DMD: variants seen among roughly 807,000 people sequenced by gnomAD.
DMD encodes the protein mutant dystrophin.
DMD carries 63 observed loss-of-function variants against 330.1 expected under a neutral mutation model. That is an observed-to-expected ratio of 0.19 (90% CI 0.16 to 0.24). DMD has a LOEUF of 0.24. DMD is among the 10% of genes least tolerant of loss of function. The pLI is 1.00. For synonymous variants in DMD, 1,223 were observed against 959.8 expected (o/e 1.27, Z -5.07); for missense variants, 3,344 against 2,684.1 (o/e 1.25, Z -5.43).
intron 12 of DMD, among the ~76,000 whole-genome samples, chrX:32,596,829 G>A (rs1263971130): frequency 9.0e-6 from 1 of 111,090 alleles, no homozygotes; most frequent in African/African-American, 3.3e-5. Flanking sequence ...TTACAAACGT[G>A]AGCCACTGTG....
intron 43 of DMD, among the ~76,000 whole-genome samples, chrX:32,259,986 G>A (rs984559491): frequency 1.9e-4 from 21 of 111,331 alleles, no homozygotes; most frequent in African/African-American, 6.5e-4. Context: ...ATCATTTAGT[G>A]GATATTCCTC....
At chrX:31,178,569 G>T in intron 70 of DMD, 100 bp downstream of exon 70, 1 of 1,085,346 alleles carries the variant, frequency 9.2e-7, no homozygotes. Flanking sequence ...GAAAGAAATA[G>T]AAGAGACTGT....
At chrX:31,676,065 T>C (rs2082060808) in intron 53 of DMD, among the ~76,000 whole-genome samples, 1 of 112,085 alleles carries the variant, frequency 8.9e-6, no homozygotes, top group Non-Finnish European at 1.9e-5. Flanking sequence ...AGAGTTAGTG[T>C]AGTCATCACT....
intron 51 of DMD, among the ~76,000 whole-genome samples, chrX:31,747,881 A>G (rs952749296): frequency 2.7e-5 from 3 of 112,265 alleles, no homozygotes; most frequent in African/African-American, 9.7e-5. Flanking sequence ...CCTTTTAAGT[A>G]ATTTAAAAAT....
chrX:33,108,256 T>G (rs936153797), intron 1 of DMD, among the ~76,000 whole-genome samples: 1 of 110,608 alleles, frequency 9.0e-6, no homozygotes, highest in African/African-American at 3.3e-5. Context: ...TTTCTGTTGC[T>G]GTTGTTTGTC....
chrX:31,232,179 G>C lies in DMD; in HGVS notation c.9287-9058C>G, dbSNP rs1273794517. On this transcript the variant is annotated intron_variant, in intron 63 of 78. Transcript: ENST00000357033. ...CCAATATTGCTGAAATCTCAGAGAG[G>C]AAGGAGGAAGAGTGGGCACAGATAA... Among the ~76,000 whole-genome samples, 6 of 108,370 alleles carry C rather than the reference G, an allele frequency of 5.5e-5. No homozygotes were observed. The Admixed American group carries it at 6.0e-4, about 11-fold the overall frequency. 94.1% of individuals were successfully genotyped at this position (108,370 alleles called of 115,157 possible).
intron 13 of DMD, among the ~76,000 whole-genome samples, chrX:32,579,373 A>C (rs756237992): frequency 8.9e-6 from 1 of 112,263 alleles, no homozygotes; most frequent in Non-Finnish European, 1.9e-5. Context: ...CAGGTTACAG[A>C]TGAGGAAACT....
chrX:32,792,897 C>A (rs1214295071), intron 7 of DMD, among the ~76,000 whole-genome samples: 1 of 111,931 alleles, frequency 8.9e-6, no homozygotes, highest in Non-Finnish European at 1.9e-5. Flanking sequence ...AGCATTAGAT[C>A]ACTTAGACAA....
Position 33,088,592 on chromosome X carries a change from G to A in DMD, c.32-68392C>T, listed in dbSNP as rs190738105. On this transcript the variant is annotated intron_variant, in intron 1 of 78. Transcript: ENST00000357033. ...AAGAGCTACTCGGGAGGCTGAGGCA[G>A]GAGAATGGTGTAAACCCGGGAGGCG... is the stretch of plus-strand genomic sequence containing the variant. Among the ~76,000 whole-genome samples, 322 of 111,162 alleles carry A rather than the reference G, an allele frequency of 2.9e-3. 2 individuals are homozygous for A. Among genetic ancestry groups the A allele is most frequent in the African/African-American group, 0.01 (309 of 30,580 alleles).
intron 1 of DMD, among the ~76,000 whole-genome samples, chrX:33,223,226 G>A (rs1010205700): frequency 9.8e-5 from 11 of 111,800 alleles, no homozygotes; most frequent in Admixed American, 1.9e-4. Context: ...TGAAAGAATC[G>A]CTTGAACCCA....
intron 47 of DMD, 96 bp from the exon 48 acceptor site, chrX:31,875,469 A>G (rs1346802789): frequency 2.2e-5 from 15 of 687,905 alleles, no homozygotes; most frequent in East Asian, 3.5e-5. Flanking sequence ...ATCATGAAAT[A>G]TTACAGAATC....
chrX:31,296,820 T>C (rs1489716822), intron 62 of DMD, among the ~76,000 whole-genome samples: 1 of 111,966 alleles, frequency 8.9e-6, no homozygotes, highest in Non-Finnish European at 1.9e-5. Context: ...ATTTTTGTTA[T>C]CCTTTAGCTT....
At chrX:32,545,467 C>A in intron 16 of DMD, 133 bp from the exon 17 acceptor site, 1 of 615,735 alleles carries the variant, frequency 1.6e-6, no homozygotes. Context: ...CAAAATAGCA[C>A]CATATTGAAG....
rs2148614831 is a variant in DMD at position 31,657,980 on chromosome X, T to C, written c.8027+10A>G. 8.3e-7 allele frequency: 1 copy of C among 1,203,911 alleles called. No homozygotes were observed. Among genetic ancestry groups the C allele is most frequent in the East Asian group, 3.0e-5 (1 of 33,795 alleles). On this transcript the variant is annotated intron_variant, in intron 54 of 78. Coordinates refer to ENST00000357033, the MANE Select transcript of DMD (RefSeq NM_004006.3). ...GCCAACAGTAGTTTTAGAAATAATG[T>C]AATTCATACCTTTTATGAATGCTTC...
At chrX:33,287,526 T>G (rs67325414) in intron 1 of DMD, among the ~76,000 whole-genome samples, 11,248 of 111,521 alleles carry the variant, frequency 0.1, 1,105 homozygotes, top group East Asian at 0.42. Flanking sequence ...ATATTTATTA[T>G]ATTTTTACAC....
intron 44 of DMD, among the ~76,000 whole-genome samples, chrX:32,023,453 C>T (rs773654750): frequency 6.3e-5 from 7 of 111,138 alleles, no homozygotes; most frequent in African/African-American, 2.3e-4. Flanking sequence ...GTCACAATAT[C>T]GACGTGTATG....
At chrX:32,514,939 C>G (rs1487129589) in intron 18 of DMD, among the ~76,000 whole-genome samples, 2 of 111,744 alleles carry the variant, frequency 1.8e-5, no homozygotes, top group Non-Finnish European at 3.8e-5. Context: ...AACCTAGTGC[C>G]AAAGTCTTCA....
chrX:31,288,226 A>C (rs1398844941), intron 62 of DMD, among the ~76,000 whole-genome samples: 1 of 111,720 alleles, frequency 9.0e-6, no homozygotes, highest in African/African-American at 3.3e-5. Flanking sequence ...GTGAACCCGG[A>C]AATCAATTGG....
chrX:31,369,917 G>A (rs945360604), intron 60 of DMD, among the ~76,000 whole-genome samples: 1 of 110,079 alleles, frequency 9.1e-6, no homozygotes, highest in East Asian at 2.8e-4. Context: ...AGCCAAAATG[G>A]TGAAACCCCG....
Sources: allele counts gnomAD v4.1 joint callset (sites outside exome capture counted in the v4.1 genomes callset), GRCh38; gene constraint gnomAD v4.1.1; transcripts MANE v1.5; gene names NCBI Gene and HGNC (gene_info 2026-07-23, HGNC 2026-07-21).